The following CYP4F22 variants were observed in gnomAD, a reference collection of about 807,000 sequenced individuals.
CYP4F22 encodes the protein ultra-long-chain fatty acid omega-hydroxylase.
In CYP4F22, 37 loss-of-function variants were observed where a neutral mutation model predicts 60.4. The observed-to-expected ratio is 0.61, with a 90% confidence interval of 0.47 to 0.81. The LOEUF (loss-of-function observed/expected upper bound fraction) is 0.81, where lower values mean the gene tolerates loss of function less well. CYP4F22 is among the 30% of genes least tolerant of loss of function. CYP4F22 has a pLI of 0.00. For synonymous variants in CYP4F22, 258 were observed against 280.5 expected (o/e 0.92, Z 0.80); for missense variants, 655 against 715.0 (o/e 0.92, Z 0.96).
chr19:15,513,284 T>A (rs1432976279), intron 1 of CYP4F22, among the ~76,000 whole-genome samples: 1 of 151,258 alleles, frequency 6.6e-6, no homozygotes, highest in Non-Finnish European at 1.5e-5. Context: ...CAAGCGATTC[T>A]CCTGCCTCAG....
chr19:15,549,908 C>T (rs1256920177), intron 12 of CYP4F22, among the ~76,000 whole-genome samples: 1 of 152,008 alleles, frequency 6.6e-6, no homozygotes, highest in Non-Finnish European at 1.5e-5. Flanking sequence ...TTTGAGGCTG[C>T]AATGAGCTAT....
intron 12 of CYP4F22, among the ~76,000 whole-genome samples, chr19:15,550,021 T>C (rs1230967736): frequency 6.6e-6 from 1 of 152,148 alleles, no homozygotes; most frequent in Non-Finnish European, 1.5e-5. Context: ...TTCTACCTCC[T>C]GGGTTCAAGA....
intron 1 of CYP4F22, among the ~76,000 whole-genome samples, chr19:15,513,414 G>A (rs1002111577): frequency 4.1e-5 from 6 of 146,574 alleles, no homozygotes; most frequent in African/African-American, 1.5e-4. Context: ...ACCGAGGCTG[G>A]AGTGCAGTGG....
rs550234335 is a variant in CYP4F22, at chr19:15,533,380, C to T, written c.367+3527C>T. 5.9e-5 allele frequency among the ~76,000 whole-genome samples: 9 copies of T among 151,690 alleles called. No homozygotes were observed. The South Asian group carries it at 1.9e-3, about 31-fold the overall frequency. ...AATTTTTAGTCACCTCATAAAAAAA[C>T]TCTGTACCCATTGAGTAATCACTTC... is the stretch of plus-strand genomic sequence containing the variant. On this transcript the variant is annotated intron_variant, in intron 4 of 13. Coordinates refer to ENST00000269703, the MANE Select transcript of CYP4F22 (RefSeq NM_173483.4).
intron 1 of CYP4F22, among the ~76,000 whole-genome samples, chr19:15,520,127 G>A (rs752897294): frequency 1.3e-5 from 2 of 152,060 alleles, no homozygotes; most frequent in African/African-American, 4.8e-5. Context: ...AGCAGATCAC[G>A]AAGTCAGCAG....
intron 5 of CYP4F22, 34 bp from the exon 6 acceptor site, chr19:15,537,501 G>A (rs1971410115): frequency 6.2e-7 from 1 of 1,614,162 alleles, no homozygotes; most frequent in African/African-American, 1.3e-5. Flanking sequence ...CAGAGTAACA[G>A]GAGAGGTCCC....
chr19:15,540,992 T>C (rs1309257417), intron 8 of CYP4F22, among the ~76,000 whole-genome samples: 6 of 151,924 alleles, frequency 3.9e-5, no homozygotes, highest in Non-Finnish European at 7.4e-5. Flanking sequence ...GAAGCAGGAG[T>C]CTGGCTTGAG....
At chr19:15,544,827 G>A (rs762915195) in intron 10 of CYP4F22, among the ~76,000 whole-genome samples, 7 of 152,190 alleles carry the variant, frequency 4.6e-5, no homozygotes, top group Admixed American at 2.0e-4. Flanking sequence ...TTGGGAGGCC[G>A]AGGTGGGTGG....
intron 4 of CYP4F22, 146 bp from the exon 5 acceptor site, chr19:15,537,215 T>C: frequency 9.7e-7 from 1 of 1,025,864 alleles, no homozygotes; most frequent in Non-Finnish European, 1.5e-6. Flanking sequence ...GCAGGAAAAC[T>C]GCTTGAACCT....
intron 8 of CYP4F22, among the ~76,000 whole-genome samples, chr19:15,541,865 C>CAA (rs1052977392): frequency 0.042 from 4,224 of 99,450 alleles, 224 homozygotes; most frequent in African/African-American, 0.15. Context: ...AACTCCGTCT[C>CAA]AAAAAAAAAA....
intron 1 of CYP4F22, among the ~76,000 whole-genome samples, chr19:15,511,873 G>A (rs1012507231): frequency 2.6e-5 from 4 of 152,228 alleles, no homozygotes; most frequent in African/African-American, 7.2e-5. Flanking sequence ...ACAAACCAGC[G>A]CGACCTGGGC....
intron 1 of CYP4F22, chr19:15,516,924 G>C (rs1971162498): frequency 5.0e-6 from 1 of 200,066 alleles, no homozygotes; most frequent in African/African-American, 2.4e-5. Flanking sequence ...CTGACTACCT[G>C]GTTCAAGCGA....
intron 1 of CYP4F22, among the ~76,000 whole-genome samples, chr19:15,512,101 A>G (rs1971099181): frequency 6.6e-6 from 1 of 152,186 alleles, no homozygotes; most frequent in South Asian, 2.1e-4. Context: ...AGTAGTCATC[A>G]TGGCTAACAT....
intron 4 of CYP4F22, among the ~76,000 whole-genome samples, chr19:15,536,065 A>C (rs748042403): frequency 6.6e-6 from 1 of 152,202 alleles, no homozygotes; most frequent in Admixed American, 6.5e-5. Flanking sequence ...GTGGCCGGGC[A>C]TGGTGGCTTA....
At chr19:15,534,656 G>A (rs1273523) in intron 4 of CYP4F22, among the ~76,000 whole-genome samples, 132,533 of 151,998 alleles carry the variant, frequency 0.87, 58,008 homozygotes, top group African/African-American at 0.95. Flanking sequence ...CTGGTGAGGA[G>A]CGTGGACACA....
Position 15,550,663 on chromosome 19 carries a change from T to G in CYP4F22, c.1336-11T>G. Reference sequence around the variant, plus strand: ...AGCCCCCAGACTCATCTCCAGGCTGTTCCTCCCTAGGTGTACAACCCCTAC... The same window carrying G: ...AGCCCCCAGACTCATCTCCAGGCTGGTCCTCCCTAGGTGTACAACCCCTAC... On this transcript the variant is annotated splice_polypyrimidine_tract_variant and intron_variant, in intron 12 of 13. Coordinates refer to ENST00000269703, the MANE Select transcript of CYP4F22 (RefSeq NM_173483.4). 2 of 1,614,046 alleles carry G rather than the reference T, an allele frequency of 1.2e-6. No homozygotes were observed. Among genetic ancestry groups the G allele is most frequent in the Non-Finnish European group, 1.7e-6 (2 of 1,179,966 alleles).
At chr19:15,520,641 G>A (rs1050958587) in intron 1 of CYP4F22, among the ~76,000 whole-genome samples, 1 of 152,068 alleles carries the variant, frequency 6.6e-6, no homozygotes, top group African/African-American at 2.4e-5. Context: ...AGGCTGGAGT[G>A]CAGTGGCACG....
chr19:15,547,017 A>ATTTTTTTTTTTTTTT (rs1971533476), intron 10 of CYP4F22, among the ~76,000 whole-genome samples: 2 of 36,254 alleles, frequency 5.5e-5, no homozygotes, highest in East Asian at 1.4e-3. Flanking sequence ...GGCCTGCACC[A>ATTTTTTTTTTTTTTT]GTTTTTTTTT....
At chr19:15,519,425 G>T (rs866427513) in intron 1 of CYP4F22, among the ~76,000 whole-genome samples, 1 of 152,142 alleles carries the variant, frequency 6.6e-6, no homozygotes, top group South Asian at 2.1e-4. Flanking sequence ...ACCATGCCTG[G>T]TTAATTTTTG....
Sources: allele counts gnomAD v4.1 joint callset (sites outside exome capture counted in the v4.1 genomes callset), GRCh38; gene constraint gnomAD v4.1.1; transcripts MANE v1.5; gene names NCBI Gene and HGNC (gene_info 2026-07-23, HGNC 2026-07-21).